Variants in CHST8 observed in about 807,000 individuals in gnomAD.
CHST8 encodes the protein GALNAC-4-ST1.
A neutral mutation model predicts 15.0 loss-of-function variants in CHST8; 10 were observed. The observed-to-expected ratio is 0.67, with a 90% CI of 0.41 to 1.13. The LOEUF is 1.13. Ranked by LOEUF, CHST8 falls within the 50% of genes most tolerant of loss-of-function variation. The pLI is 0.00. For missense variants in CHST8, 634 were observed against 608.2 expected (o/e 1.04, Z -0.45); for synonymous variants, 259 against 256.6 (o/e 1.01, Z -0.09).
chr19:33,748,414 C>T (rs1036468190), intron 3 of CHST8, among the ~76,000 whole-genome samples: 1 of 152,366 alleles, frequency 6.6e-6, no homozygotes, highest in South Asian at 2.1e-4. Context: ...CAGGGCTACC[C>T]GCTCGTTGGT....
chr19:33,757,510 GAAAGAAAGAAAGAGAAAGAAAGAAAGAA>G (rs1974607234), intron 3 of CHST8, among the ~76,000 whole-genome samples: 2 of 48,976 alleles, frequency 4.1e-5, no homozygotes, highest in Admixed American at 2.2e-4. Flanking sequence ...AAGAAAGAAA[GAAAGAAAGAAAGAGAAAGAAAGAAAGAA>G]AGAAAGAAAG....
intron 3 of CHST8, among the ~76,000 whole-genome samples, chr19:33,766,325 C>G (rs559335546): frequency 6.6e-6 from 1 of 152,206 alleles, no homozygotes; most frequent in African/African-American, 2.4e-5. Context: ...GCCACCCCCC[C>G]ATTCAGAACC....
intron 2 of CHST8, among the ~76,000 whole-genome samples, chr19:33,682,197 T>C (rs1306586336): frequency 6.9e-6 from 1 of 145,280 alleles, no homozygotes; most frequent in African/African-American, 2.5e-5. Context: ...GTTTTTTTTT[T>C]TTTTTTTTTT....
intron 3 of CHST8, among the ~76,000 whole-genome samples, chr19:33,709,010 T>C (rs1204501712): frequency 6.6e-6 from 1 of 152,252 alleles, no homozygotes; most frequent in Non-Finnish European, 1.5e-5. Flanking sequence ...GAATTGTTTT[T>C]CTAATTTAAT....
chr19:33,653,090 C>G lies in CHST8; in HGVS notation c.-163-14677C>G, dbSNP rs77832396. On this transcript the variant is annotated intron_variant, in intron 1 of 4. Transcript: ENST00000650847. ...AGCTGTTTACCAGTTTCTTTTCTCA[C>G]TCTTGCTTATTGCATTCTACTCTTT... Among the ~76,000 whole-genome samples, 1,258 of 152,280 alleles carry G rather than the reference C, an allele frequency of 8.3e-3. 17 individuals are homozygous for G. The highest frequency in any genetic ancestry group is 0.029 in the African/African-American group (1,214 of 41,550).
chr19:33,762,697 G>A (rs1473380370), intron 3 of CHST8, among the ~76,000 whole-genome samples: 1 of 152,176 alleles, frequency 6.6e-6, no homozygotes. Context: ...GCTCTGCCCC[G>A]CTTTGTGTCC....
chr19:33,660,291 ACTTC>A (rs1429685073), intron 1 of CHST8, among the ~76,000 whole-genome samples: 7 of 152,162 alleles, frequency 4.6e-5, no homozygotes, highest in African/African-American at 1.7e-4. Context: ...CCTCAGCTTA[ACTTC>A]CTTCCTTAGC....
At chr19:33,764,465 A>G (rs555618120) in intron 3 of CHST8, among the ~76,000 whole-genome samples, 84 of 152,190 alleles carry the variant, frequency 5.5e-4, no homozygotes, top group African/African-American at 2.0e-3. Flanking sequence ...ATGCCACTGC[A>G]CTCCAGCCTG....
intron 3 of CHST8, among the ~76,000 whole-genome samples, chr19:33,756,519 C>A (rs1974550380): frequency 6.6e-6 from 1 of 152,182 alleles, no homozygotes; most frequent in South Asian, 2.1e-4. Flanking sequence ...CTCCTCCATT[C>A]CCTGAGACCT....
At chr19:33,758,963 G>A (rs1331457681) in intron 3 of CHST8, among the ~76,000 whole-genome samples, 1 of 152,034 alleles carries the variant, frequency 6.6e-6, no homozygotes, top group Non-Finnish European at 1.5e-5. Flanking sequence ...TCATGGCAGC[G>A]GGCAAGCGGG....
chr19:33,678,196 C>G (rs953761156), intron 2 of CHST8, among the ~76,000 whole-genome samples: 9 of 152,110 alleles, frequency 5.9e-5, no homozygotes, highest in Non-Finnish European at 1.3e-4. Context: ...GAACACAGGA[C>G]GTTAGCTGGA....
At chr19:33,639,402 G>T (rs117461238) in intron 1 of CHST8, among the ~76,000 whole-genome samples, 4,256 of 152,246 alleles carry the variant, frequency 0.028, 82 homozygotes, top group East Asian at 0.048. Context: ...TGGTGTGGGG[G>T]CTGCAGAGGT....
At chr19:33,735,734 G>A (rs1255604295) in intron 3 of CHST8, among the ~76,000 whole-genome samples, 1 of 152,246 alleles carries the variant, frequency 6.6e-6, no homozygotes, top group Non-Finnish European at 1.5e-5. Flanking sequence ...CGCTGAGGCA[G>A]GAGAATCATT....
chr19:33,643,243 T>C (rs1428381563), intron 1 of CHST8, among the ~76,000 whole-genome samples: 1 of 152,174 alleles, frequency 6.6e-6, no homozygotes. Context: ...GGAATCTTTG[T>C]TTTTTATTTT....
chr19:33,695,261 A>G (rs1444134647), intron 3 of CHST8, among the ~76,000 whole-genome samples: 1 of 152,126 alleles, frequency 6.6e-6, no homozygotes, highest in African/African-American at 2.4e-5. Context: ...TGATTCTTAC[A>G]AATAAACGAT....
At chr19:33,688,174 CCT>C (rs1345185397) in intron 2 of CHST8, among the ~76,000 whole-genome samples, 2 of 152,196 alleles carry the variant, frequency 1.3e-5, no homozygotes. Flanking sequence ...CTGCCCATGC[CCT>C]CTCTACACAC....
intron 3 of CHST8, among the ~76,000 whole-genome samples, chr19:33,736,553 C>T (rs1458315206): frequency 1.3e-5 from 2 of 152,136 alleles, no homozygotes; most frequent in Non-Finnish European, 2.9e-5. Context: ...AGCCTGGTGC[C>T]TGCCAGGCCA....
intron 2 of CHST8, among the ~76,000 whole-genome samples, chr19:33,671,016 C>G (rs1972729783): frequency 6.6e-6 from 1 of 152,196 alleles, no homozygotes; most frequent in Non-Finnish European, 1.5e-5. Flanking sequence ...GTTCCAGCCT[C>G]CTTCTCCCAG....
intron 3 of CHST8, among the ~76,000 whole-genome samples, chr19:33,710,886 T>C (rs1162462131): frequency 6.6e-6 from 1 of 151,972 alleles, no homozygotes; most frequent in East Asian, 1.9e-4. Flanking sequence ...TTTTTTTTTT[T>C]TTTAAGGGGT....
Sources: gnomAD v4.1 joint callset for allele counts (sites outside exome capture counted in the v4.1 genomes callset) on GRCh38, gnomAD v4.1.1 for gene constraint, MANE v1.5 for transcripts, NCBI Gene and HGNC (gene_info 2026-07-23, HGNC 2026-07-21) for gene names.